RSRP1: variants seen among roughly 807,000 people sequenced by gnomAD.
RSRP1 encodes the protein arginine/serine-rich protein 1.
Under a neutral mutation model 33.0 loss-of-function variants are expected in RSRP1, and 37 were observed. The observed-to-expected ratio is 1.12, with a 90% CI of 0.86 to 1.48. RSRP1 has a LOEUF of 1.48. RSRP1 is among the 40% of genes most tolerant of loss of function. RSRP1 has a pLI of 0.00. For missense variants in RSRP1, 402 were observed against 385.3 expected, an observed-to-expected ratio of 1.04 and a Z score of -0.36; for synonymous variants, 167 against 158.7, an observed-to-expected ratio of 1.05 and a Z score of -0.40.
At chr1:25,261,793 C>A (rs1359849470) in intron 1 of RSRP1, among the ~76,000 whole-genome samples, 3 of 147,206 alleles carry the variant, frequency 2.0e-5, no homozygotes, top group East Asian at 2.0e-4. Flanking sequence ...CTCACTGCAA[C>A]CTCTGTCTAC....
At chr1:25,318,710 G>C (rs1644543817) in intron 1 of RSRP1, among the ~76,000 whole-genome samples, 1 of 132,962 alleles carries the variant, frequency 7.5e-6, no homozygotes, top group African/African-American at 2.6e-5. Flanking sequence ...TGCCAAATAA[G>C]AGACAAATGG....
chr1:25,305,393 TTTATTTA>T (rs1643726133), intron 1 of RSRP1, among the ~76,000 whole-genome samples: 1 of 125,808 alleles, frequency 7.9e-6, no homozygotes, highest in South Asian at 2.4e-4. Context: ...TATTTATTTA[TTTATTTA>T]TTTATTTATT....
At chr1:25,274,770 G>T (rs1470851830) in intron 1 of RSRP1, among the ~76,000 whole-genome samples, 2 of 133,858 alleles carry the variant, frequency 1.5e-5, no homozygotes, top group Admixed American at 7.2e-5. Context: ...ACATTGGGAG[G>T]CCAAGGCTGG....
Position 25,321,960 on chromosome 1 carries a change from A to G in RSRP1, c.-67+16018T>C, listed in dbSNP as rs1644734959. 11 of 1,305,414 alleles carry G rather than the reference A, an allele frequency of 8.4e-6. 3 individuals are homozygous for G. Among genetic ancestry groups the G allele is most frequent in the Non-Finnish European group, 1.2e-5 (11 of 912,302 alleles). The allele number at this position is 1,305,414 out of a possible 1,614,324, so 80.9% of individuals were successfully genotyped here. A position where few individuals can be genotyped will look rare whatever the true frequency, so the allele number is the denominator to read the frequency against. On this transcript the variant is annotated intron_variant, in intron 1 of 1. Transcript: ENST00000561867. The stretch of plus-strand genomic sequence containing the variant: ...ATATTTTGATGACCAAGTTTTCTGG[A>G]AGGTAAGATTTTTCACCTATTAACG...
chr1:25,260,239 G>A lies in RSRP1; in HGVS notation c.-66-13210C>T, dbSNP rs527644675. On this transcript the variant is annotated intron_variant, in intron 1 of 1. Coordinates refer to the RSRP1 transcript ENST00000561867. Reference sequence around the variant, plus strand: ...TTCTTTGAAAATTCTGGCAGACCAAGGTTCTTTTTGTTTACACAATACTTG... The same window carrying A: ...TTCTTTGAAAATTCTGGCAGACCAAAGTTCTTTTTGTTTACACAATACTTG... Among the ~76,000 whole-genome samples the A allele has an allele frequency of 7.2e-5, 11 of 152,192 alleles. 3 individuals carry two copies. Among genetic ancestry groups the A allele is most frequent in the African/African-American group, 2.6e-4 (11 of 41,516 alleles).
intron 3 of RSRP1, 59 bp from the exon 4 acceptor site, chr1:25,243,692 A>G (rs549886952): frequency 5.7e-5 from 91 of 1,590,080 alleles, no homozygotes; most frequent in Middle Eastern, 1.7e-4. Flanking sequence ...TCTAAATCCT[A>G]TATTAAAAAA....
rs543739883 is a variant in RSRP1 at position 25,245,303 on chromosome 1, T to TA, written c.521-3dup. On this transcript the variant is annotated splice_polypyrimidine_tract_variant and splice_region_variant and intron_variant, in intron 2 of 4. Coordinates refer to ENST00000243189, the MANE Select transcript of RSRP1 (RefSeq NM_020317.5). ...CTATTTCTAACAGCTCCATTCGATC[T>TA]AAAAAAAAAAGAGAGAGATTTTAAA... is the stretch of plus-strand genomic sequence containing the variant. 1.8e-3 allele frequency: 2,482 copies of TA among 1,356,904 alleles called. No homozygotes were observed. Among genetic ancestry groups the TA allele is most frequent in the Admixed American group, 3.2e-3 (150 of 46,990 alleles). 84.1% of individuals were successfully genotyped at this position (1,356,904 alleles called of 1,614,324 possible). A position where few individuals can be genotyped will look rare whatever the true frequency, so the allele number is the denominator to read the frequency against.
At chr1:25,260,688 C>T (rs560868299) in intron 1 of RSRP1, among the ~76,000 whole-genome samples, 2 of 152,238 alleles carry the variant, frequency 1.3e-5, no homozygotes, top group Admixed American at 6.5e-5. Flanking sequence ...TTCAAGGTGC[C>T]GGCAAGGCTG....
In RSRP1 at chr1:25,288,897, T is replaced by A. The variant is rs1385972598; in HGVS notation, c.-66-41868A>T. Among the ~76,000 whole-genome samples, 2 of 131,676 alleles carry A rather than the reference T, an allele frequency of 1.5e-5. 1 individual carries two copies. Among genetic ancestry groups the A allele is most frequent in the Non-Finnish European group, 3.6e-5 (2 of 55,830 alleles). 86.4% of individuals were successfully genotyped at this position (131,676 alleles called of 152,430 possible). A position where few individuals can be genotyped will look rare whatever the true frequency, so the allele number is the denominator to read the frequency against. Reference sequence around the variant, plus strand: ...AACCTGTCCAGGCACGATGGAACATTGAGTAACCCCTTATTCTAAATTCCT... The same window carrying A: ...AACCTGTCCAGGCACGATGGAACATAGAGTAACCCCTTATTCTAAATTCCT... On this transcript the variant is annotated intron_variant, in intron 1 of 1. Coordinates refer to the RSRP1 transcript ENST00000561867.
chr1:25,264,611 C>T (rs2124566233), intron 1 of RSRP1, among the ~76,000 whole-genome samples: 1 of 151,458 alleles, frequency 6.6e-6, no homozygotes, highest in East Asian at 1.9e-4. Context: ...GGAGGGGTTG[C>T]CATAAAGACC....
intron 1 of RSRP1, among the ~76,000 whole-genome samples, chr1:25,308,036 G>A (rs1643944136): frequency 1.8e-5 from 2 of 111,856 alleles, no homozygotes; most frequent in African/African-American, 6.3e-5. Flanking sequence ...GGGGAAGTTA[G>A]AAAAAAAAAA....
Position 25,291,369 on chromosome 1 carries a change from T to C in RSRP1, c.-66-44340A>G, listed in dbSNP as rs747735905. Among the ~76,000 whole-genome samples the C allele has an allele frequency of 3.8e-5, 5 of 131,880 alleles. 1 individual carries two copies. Among genetic ancestry groups the C allele is most frequent in the Non-Finnish European group, 9.0e-5 (5 of 55,614 alleles). 86.5% of individuals were successfully genotyped at this position (131,880 alleles called of 152,430 possible). A position where few individuals can be genotyped will look rare whatever the true frequency, so the allele number is the denominator to read the frequency against. The stretch of plus-strand genomic sequence containing the variant: ...CTGTAATCCCAGCTACTCAGGAGGC[T>C]GAGGCAAGAGAATCGCTTGAACCCG... On this transcript the variant is annotated intron_variant, in intron 1 of 1. Coordinates refer to the RSRP1 transcript ENST00000561867.
chr1:25,321,767 T>C lies in RSRP1; in HGVS notation c.-67+16211A>G. 3 of 496,194 alleles carry C rather than the reference T, an allele frequency of 6.0e-6. 1 individual carries two copies. The highest frequency in any genetic ancestry group is 7.9e-4 in the Middle Eastern group (2 of 2,520). The allele number at this position is 496,194 out of a possible 1,614,324, so 30.7% of individuals were successfully genotyped here. On this transcript the variant is annotated intron_variant, in intron 1 of 1. Transcript: ENST00000561867. ...GGGCTTCCATTTATTTGTCTTTCAA[T>C]TGTGGGAGAAAAAGGATTTCTGTTG...
At chr1:25,259,900 G>A (rs918769017) in intron 1 of RSRP1, among the ~76,000 whole-genome samples, 4 of 152,056 alleles carry the variant, frequency 2.6e-5, no homozygotes, top group African/African-American at 9.7e-5. Flanking sequence ...TGAGACCAAG[G>A]GGAGAACCTG....
intron 4 of RSRP1, 147 bp downstream of exon 4, chr1:25,243,403 A>G: frequency 1.9e-6 from 2 of 1,037,992 alleles, no homozygotes; most frequent in Non-Finnish European, 2.7e-6. Flanking sequence ...GGCCACTTAT[A>G]AAAGTGGCTC....
intron 1 of RSRP1, chr1:25,290,765 A>C: frequency 7.3e-7 from 1 of 1,377,196 alleles, no homozygotes; most frequent in Non-Finnish European, 1.0e-6. Flanking sequence ...AGGCAACCTG[A>C]GGATGGTCAT....
Position 25,333,875 on chromosome 1 carries a change from G to A in RSRP1, c.-67+4103C>T, listed in dbSNP as rs1372525123. 9.2e-5 allele frequency among the ~76,000 whole-genome samples: 12 copies of A among 130,138 alleles called. 2 individuals carry two copies. The highest frequency in any genetic ancestry group is 4.5e-4 in the Admixed American group (6 of 13,378). The allele number at this position is 130,138 out of a possible 152,430, so 85.4% of individuals were successfully genotyped here. A position where few individuals can be genotyped will look rare whatever the true frequency, so the allele number is the denominator to read the frequency against. Reference sequence around the variant, plus strand: ...CTTATCACTATCACGAGAACAGCACGGGTAAGACCTGTCCCCATGATTCAG... The same window carrying A: ...CTTATCACTATCACGAGAACAGCACAGGTAAGACCTGTCCCCATGATTCAG... On this transcript the variant is annotated intron_variant, in intron 1 of 1. Transcript: ENST00000561867.
rs146093871 is a variant in RSRP1, at chr1:25,306,719, G to A, written c.-67+31259C>T. 971 of 1,377,480 alleles carry A rather than the reference G, an allele frequency of 7.0e-4. 285 individuals carry two copies. Among genetic ancestry groups the A allele is most frequent in the Non-Finnish European group, 8.7e-4 (851 of 978,426 alleles). The allele number at this position is 1,377,480 out of a possible 1,614,324, so 85.3% of individuals were successfully genotyped here. A position where few individuals can be genotyped will look rare whatever the true frequency, so the allele number is the denominator to read the frequency against. On this transcript the variant is annotated intron_variant, in intron 1 of 1. Transcript: ENST00000561867. ...GCTGGTGCTTGATACCGTCGGAGCC[G>A]GCAATGGCATGTGGGTCACTGGGCT...
Position 25,242,444 on chromosome 1 carries a change from G to A in RSRP1, c.*145C>T. ...AGAGAAACCTAAAATGTTAATATTT[G>A]AGTGTTAAGTATTTACATCTTTTTG... On this transcript the variant is annotated 3_prime_UTR_variant, in exon 5 of 5. Transcript: ENST00000243189. 1 of 571,048 alleles carries A rather than the reference G, an allele frequency of 1.8e-6. No homozygotes were observed. The highest frequency in any genetic ancestry group is 3.2e-6 in the Non-Finnish European group (1 of 317,394). The allele number at this position is 571,048 out of a possible 1,614,324, so 35.4% of individuals were successfully genotyped here.
Sources: gnomAD v4.1 joint callset for allele counts (sites outside exome capture counted in the v4.1 genomes callset) on GRCh38, gnomAD v4.1.1 for gene constraint, MANE v1.5 for transcripts, NCBI Gene and HGNC (gene_info 2026-07-23, HGNC 2026-07-21) for gene names.